The following PRICKLE2 variants were observed in gnomAD, a reference collection of about 807,000 sequenced individuals.
PRICKLE2 encodes the protein prickle planar cell polarity protein 2.
PRICKLE2 carries 21 observed loss-of-function variants against 81.4 expected under a neutral mutation model. The observed-to-expected ratio is 0.26, with a 90% CI of 0.18 to 0.37. The LOEUF (loss-of-function observed/expected upper bound fraction) is 0.37, where lower values mean the gene tolerates loss of function less well. PRICKLE2 is among the 10% of genes least tolerant of loss of function. The pLI is 1.00. For missense variants in PRICKLE2, 940 were observed against 1,109.0 expected, an observed-to-expected ratio of 0.85 and a Z score of 2.16; for synonymous variants, 456 against 421.5, an observed-to-expected ratio of 1.08 and a Z score of -1.00.
At chr3:64,206,749 C>T (rs900858041) in intron 1 of PRICKLE2, among the ~76,000 whole-genome samples, 19 of 152,228 alleles carry the variant, frequency 1.2e-4, no homozygotes, top group African/African-American at 4.3e-4. Flanking sequence ...TTCAACATGG[C>T]TATGCCCAAG....
chr3:64,185,349 C>T (rs149911751), intron 2 of PRICKLE2, among the ~76,000 whole-genome samples: 21 of 152,226 alleles, frequency 1.4e-4, no homozygotes, highest in African/African-American at 5.1e-4. Context: ...AAGACAGCCT[C>T]CCAACTAAGA....
intron 6 of PRICKLE2, among the ~76,000 whole-genome samples, chr3:64,150,085 C>T (rs1053778450): frequency 3.3e-5 from 5 of 150,810 alleles, no homozygotes; most frequent in Non-Finnish European, 5.9e-5. Flanking sequence ...CAACCCCGAG[C>T]GCCGTGGACA....
chr3:64,266,565 T>C (rs1357856620), intron 2 of PRICKLE2, among the ~76,000 whole-genome samples: 3 of 152,186 alleles, frequency 2.0e-5, no homozygotes, highest in Admixed American at 6.5e-5. Context: ...ATATAAATTC[T>C]TCACTGCCCA....
At chr3:64,249,954 T>C (rs1218361626) in intron 2 of PRICKLE2, among the ~76,000 whole-genome samples, 2 of 152,210 alleles carry the variant, frequency 1.3e-5, no homozygotes, top group African/African-American at 2.4e-5. Context: ...GTGAGATGGT[T>C]TGACAGAAGC....
At chr3:64,169,111 G>T (rs989596977) in intron 2 of PRICKLE2, among the ~76,000 whole-genome samples, 1 of 152,136 alleles carries the variant, frequency 6.6e-6, no homozygotes, top group Admixed American at 6.5e-5. Flanking sequence ...CCAATGACAC[G>T]GAAGGGTGTG....
At chr3:64,259,120 C>T (rs1247579646) in intron 2 of PRICKLE2, among the ~76,000 whole-genome samples, 1 of 152,128 alleles carries the variant, frequency 6.6e-6, no homozygotes, top group Non-Finnish European at 1.5e-5. Context: ...CTGGAACCCA[C>T]AGTATGCTAA....
intron 2 of PRICKLE2, among the ~76,000 whole-genome samples, chr3:64,254,799 T>G (rs536255736): frequency 6.6e-6 from 1 of 152,180 alleles, no homozygotes; most frequent in African/African-American, 2.4e-5. Flanking sequence ...AGTATTACAG[T>G]CAGAAATAGT....
chr3:64,246,637 G>C (rs996586964), intron 2 of PRICKLE2, among the ~76,000 whole-genome samples: 1 of 152,166 alleles, frequency 6.6e-6, no homozygotes, highest in Admixed American at 6.5e-5. Flanking sequence ...GTCTGAGGTG[G>C]GTGGAGCTGA....
intron 2 of PRICKLE2, among the ~76,000 whole-genome samples, chr3:64,241,203 C>T (rs2079260232): frequency 1.3e-5 from 2 of 152,184 alleles, no homozygotes; most frequent in Admixed American, 6.5e-5. Flanking sequence ...AGTTTCCCAA[C>T]TCTCTACCTA....
At chr3:64,169,988 T>C (rs1487948284) in intron 2 of PRICKLE2, among the ~76,000 whole-genome samples, 1 of 151,946 alleles carries the variant, frequency 6.6e-6, no homozygotes, top group Non-Finnish European at 1.5e-5. Context: ...TGTGAGTAAA[T>C]AGGGATGGGC....
intron 2 of PRICKLE2, among the ~76,000 whole-genome samples, chr3:64,194,784 G>C (rs2078417385): frequency 6.6e-6 from 1 of 152,198 alleles, no homozygotes; most frequent in Admixed American, 6.5e-5. Context: ...GACCAGGCGT[G>C]GTGGCCCATC....
At chr3:64,139,795 A>T (rs570103787) in intron 7 of PRICKLE2, among the ~76,000 whole-genome samples, 1 of 152,216 alleles carries the variant, frequency 6.6e-6, no homozygotes, top group Non-Finnish European at 1.5e-5. Context: ...CTCTTCATAC[A>T]TTCCTACCAC....
rs1330969977 is a variant in PRICKLE2 at position 64,147,200 on chromosome 3, T to C, written c.1290A>G (p.Pro430=). The C allele has an allele frequency of 1.2e-5, 19 of 1,612,498 alleles. No homozygotes were observed. Among genetic ancestry groups the C allele is most frequent in the Non-Finnish European group, 1.4e-5 (16 of 1,179,248 alleles). ...SQCNIRTSYS[P]GGQGAGAQPE... Reference sequence around the variant, plus strand: ...GCTGGGCCCCAGCCCCTTGCCCTCCTGGACTGTAGGAAGTTCTGATGTTGC... The same window carrying C: ...GCTGGGCCCCAGCCCCTTGCCCTCCCGGACTGTAGGAAGTTCTGATGTTGC... The change falls in exon 7 of 8, where the codon CCA becomes CCG. Residue 430 remains proline (P), a synonymous_variant. Coordinates refer to ENST00000638394, the MANE Select transcript of PRICKLE2 (RefSeq NM_198859.4). This position sits in a 1 kb window ranked among gnomAD's most constrained non-coding sequence, Gnocchi z 5.0.
chr3:64,149,348 C>T (rs2077507381), intron 6 of PRICKLE2, among the ~76,000 whole-genome samples: 2 of 152,240 alleles, frequency 1.3e-5, no homozygotes, highest in African/African-American at 4.8e-5. Flanking sequence ...GGGCAAGTGA[C>T]CTGCACTAAG....
chr3:64,170,134 G>A (rs1375940206), intron 2 of PRICKLE2, among the ~76,000 whole-genome samples: 2 of 152,062 alleles, frequency 1.3e-5, no homozygotes, highest in African/African-American at 2.4e-5. Context: ...CTTTTCTCCT[G>A]GAGACCCACA....
intron 2 of PRICKLE2, among the ~76,000 whole-genome samples, chr3:64,184,317 T>C (rs2078184676): frequency 2.0e-5 from 3 of 152,204 alleles, no homozygotes; most frequent in Non-Finnish European, 4.4e-5. Flanking sequence ...GCTCCAATCA[T>C]AAATATAGCT....
intron 2 of PRICKLE2, among the ~76,000 whole-genome samples, chr3:64,187,196 C>G (rs932773891): frequency 6.6e-6 from 1 of 152,186 alleles, no homozygotes; most frequent in African/African-American, 2.4e-5. Flanking sequence ...GGTTCTAGTC[C>G]CAACTCTGAC....
chr3:64,199,370 A>C, intron 1 of PRICKLE2: 1 of 214,590 alleles, frequency 4.7e-6, no homozygotes, highest in Non-Finnish European at 9.4e-6. Flanking sequence ...CTGAAGTGTT[A>C]CTTGTAGATT....
chr3:64,199,920 T>C (rs1346833194), intron 1 of PRICKLE2: 1 of 152,230 alleles, frequency 6.6e-6, no homozygotes, highest in Non-Finnish European at 1.5e-5. Flanking sequence ...ATAAAGGTGA[T>C]AAAAGAGCCC....
Sources: gnomAD v4.1 joint callset for allele counts (sites outside exome capture counted in the v4.1 genomes callset) on GRCh38, gnomAD v4.1.1 for gene constraint, Gnocchi (gnomAD v3.1) non-coding constraint, MANE v1.5 for transcripts, NCBI Gene and HGNC (gene_info 2026-07-23, HGNC 2026-07-21) for gene names.